GRM7: variants seen among roughly 807,000 people sequenced by gnomAD.
The protein encoded by GRM7 is metabotropic glutamate receptor 7.
A neutral mutation model predicts 84.5 loss-of-function variants in GRM7; 35 were observed. The ratio of observed to expected loss-of-function variants is 0.41; its 90% confidence interval spans 0.32 to 0.55. The LOEUF is 0.55. Among genes scored for constraint, GRM7 ranks in the 20% least tolerant of loss-of-function variants. The probability of loss-of-function intolerance (pLI) is 0.19; values close to 1 mark genes in which losing one functional copy is unlikely to be tolerated. For missense variants in GRM7, 1,003 were observed against 1,194.6 expected (o/e 0.84, Z 2.36); for synonymous variants, 487 against 455.1 (o/e 1.07, Z -0.89).
intron 1 of GRM7, among the ~76,000 whole-genome samples, chr3:7,122,696 C>T (rs747839898): frequency 1.2e-4 from 18 of 152,168 alleles, no homozygotes; most frequent in Non-Finnish European, 2.2e-4. Flanking sequence ...TATTTCAGTG[C>T]TAACATTTTA....
chr3:7,626,386 TG>T (rs1453174168), intron 8 of GRM7, among the ~76,000 whole-genome samples: 1 of 152,218 alleles, frequency 6.6e-6, no homozygotes, highest in Non-Finnish European at 1.5e-5. Context: ...AATCGCCATG[TG>T]GGCATCCTCT....
At chr3:7,236,679 C>G (rs1392927047) in intron 2 of GRM7, among the ~76,000 whole-genome samples, 1 of 152,144 alleles carries the variant, frequency 6.6e-6, no homozygotes. Flanking sequence ...GATCCAGGGC[C>G]AGGTTAGTAC....
Position 7,180,724 on chromosome 3 carries a change from C to T in GRM7, c.736+34056C>T, listed in dbSNP as rs1334767228. 4.6e-5 allele frequency among the ~76,000 whole-genome samples: 7 copies of T among 152,268 alleles called. No homozygotes were observed. In the East Asian group the frequency reaches 7.7e-4, roughly 17 times the overall value. ...TTTCCTCTCTCTTAAGTCCCTAAAT[C>T]TTGTCTCTATGCCGATTATAAAGAC... On this transcript the variant is annotated intron_variant, in intron 2 of 9. Coordinates refer to ENST00000357716, the MANE Select transcript of GRM7 (RefSeq NM_000844.4).
intron 9 of GRM7, among the ~76,000 whole-genome samples, chr3:7,688,105 G>T (rs1426364675): frequency 6.6e-6 from 1 of 152,088 alleles, no homozygotes. Context: ...ATTTTCCTGG[G>T]TAAAAATGAT....
chr3:7,532,788 C>G (rs1408351275), intron 7 of GRM7, among the ~76,000 whole-genome samples: 3 of 89,656 alleles, frequency 3.3e-5, no homozygotes, highest in African/African-American at 1.3e-4. Context: ...GAATATTTAC[C>G]AAGCAAAGGG....
chr3:7,254,742 C>A lies in GRM7; in HGVS notation c.737-43942C>A, dbSNP rs186154650. On this transcript the variant is annotated intron_variant, in intron 2 of 9. Transcript: ENST00000357716. ...CTGGCTCCACCATTTTCTTTGACTT[C>A]AGGCAAGTTGCTTAACTTCTCTGAG... Among the ~76,000 whole-genome samples the A allele has an allele frequency of 2.5e-4, 38 of 152,300 alleles. 1 individual carries two copies. In the East Asian group the frequency reaches 7.0e-3, roughly 28 times the overall value.
At chr3:7,010,467 G>C (rs1281993699) in intron 1 of GRM7, among the ~76,000 whole-genome samples, 2 of 152,148 alleles carry the variant, frequency 1.3e-5, no homozygotes, top group Non-Finnish European at 2.9e-5. Flanking sequence ...AAAAAGAAAA[G>C]TGGGAGGGAG....
intron 2 of GRM7, among the ~76,000 whole-genome samples, chr3:7,280,340 C>T (rs994996354): frequency 9.9e-5 from 15 of 152,280 alleles, no homozygotes; most frequent in African/African-American, 2.6e-4. Flanking sequence ...TGGCATATCA[C>T]GTTCCCTGGT....
chr3:7,498,889 TGG>T (rs1699792041), intron 7 of GRM7, among the ~76,000 whole-genome samples: 1 of 152,210 alleles, frequency 6.6e-6, no homozygotes, highest in African/African-American at 2.4e-5. Context: ...CTCCTTCCAC[TGG>T]GGTGAATGCA....
At chr3:7,634,790 T>C (rs2125099514) in intron 8 of GRM7, among the ~76,000 whole-genome samples, 1 of 74,346 alleles carries the variant, frequency 1.3e-5, no homozygotes, top group Non-Finnish European at 2.7e-5. Context: ...TGAGACTCTG[T>C]CTCAAAAAAA....
chr3:7,581,810 T>G (rs1441918025), intron 8 of GRM7, among the ~76,000 whole-genome samples: 1 of 152,204 alleles, frequency 6.6e-6, no homozygotes, highest in Non-Finnish European at 1.5e-5. Context: ...TAAAAATTTC[T>G]GTCAAATTCA....
chr3:7,566,042 T>C (rs549840241), intron 7 of GRM7, among the ~76,000 whole-genome samples: 1 of 151,840 alleles, frequency 6.6e-6, no homozygotes, highest in South Asian at 2.1e-4. Context: ...GGCTTATGAA[T>C]AGATAAATCC....
At chr3:7,095,304 C>A (rs764510739) in intron 1 of GRM7, among the ~76,000 whole-genome samples, 30 of 152,152 alleles carry the variant, frequency 2.0e-4, no homozygotes, top group Non-Finnish European at 3.7e-4. Context: ...TACTAAGTGG[C>A]TTGACTACAT....
At chr3:7,345,673 A>G (rs577651192) in intron 4 of GRM7, among the ~76,000 whole-genome samples, 33 of 152,210 alleles carry the variant, frequency 2.2e-4, no homozygotes, top group African/African-American at 7.2e-4. Context: ...ATTTGAATAA[A>G]TGTCAACTCT....
chr3:7,531,766 T>C (rs1218367895), intron 7 of GRM7, among the ~76,000 whole-genome samples: 2 of 152,144 alleles, frequency 1.3e-5, no homozygotes, highest in African/African-American at 2.4e-5. Context: ...CAATTTGACT[T>C]CCTCTCTTCC....
intron 1 of GRM7, among the ~76,000 whole-genome samples, chr3:6,976,694 G>T (rs1325298322): frequency 6.6e-6 from 1 of 151,934 alleles, no homozygotes; most frequent in Non-Finnish European, 1.5e-5. Context: ...AAAAAAATGG[G>T]GTCCTAATTT....
Position 7,281,394 on chromosome 3 carries a change from T to C in GRM7, c.737-17290T>C, listed in dbSNP as rs578086444. ...CTTCTGTCTTATTAGTGAGGGAGAT[T>C]GTGCCTAAAATGTTAGAGTTGGAAG... On this transcript the variant is annotated intron_variant, in intron 2 of 9. Coordinates refer to ENST00000357716, the MANE Select transcript of GRM7 (RefSeq NM_000844.4). Among the ~76,000 whole-genome samples the C allele has an allele frequency of 2.1e-4, 32 of 152,304 alleles. 2 individuals carry two copies. The Middle Eastern group carries it at 0.034, about 162-fold the overall frequency.
Position 6,862,549 on chromosome 3 carries a change from G to C in GRM7, c.519+642G>C, listed in dbSNP as rs1165299208. ...CTCAGGTGGAGAGATGCTGCCCGCAGACGTGACCCCCGGTTGGTTTGCTCC... is the reference window on the plus strand; with the variant it reads ...CTCAGGTGGAGAGATGCTGCCCGCACACGTGACCCCCGGTTGGTTTGCTCC... On this transcript the variant is annotated intron_variant, in intron 1 of 9. Coordinates refer to ENST00000357716, the MANE Select transcript of GRM7 (RefSeq NM_000844.4). The surrounding 1 kb of genome is among the most constrained non-coding windows in gnomAD (Gnocchi z 5.2). Among the ~76,000 whole-genome samples, 2 of 152,160 alleles carry C rather than the reference G, an allele frequency of 1.3e-5. No homozygotes were observed. The highest frequency in any genetic ancestry group is 2.9e-5 in the Non-Finnish European group (2 of 68,036).
chr3:7,169,293 A>T (rs1332745187), intron 2 of GRM7, among the ~76,000 whole-genome samples: 3 of 152,154 alleles, frequency 2.0e-5, no homozygotes, highest in Non-Finnish European at 2.9e-5. Flanking sequence ...TCCATTTTGT[A>T]GAAATACCAT....
Sources: gnomAD v4.1 joint callset for allele counts (sites outside exome capture counted in the v4.1 genomes callset) on GRCh38, gnomAD v4.1.1 for gene constraint, Gnocchi (gnomAD v3.1) non-coding constraint, MANE v1.5 for transcripts, NCBI Gene and HGNC (gene_info 2026-07-23, HGNC 2026-07-21) for gene names.